AREL1: variants seen among roughly 807,000 people sequenced by gnomAD.
AREL1 encodes apoptosis resistant E3 ubiquitin protein ligase 1.
AREL1 carries 62 observed loss-of-function variants against 99.0 expected under a neutral mutation model. The observed-to-expected ratio is 0.63, with a 90% CI of 0.51 to 0.77. The LOEUF (loss-of-function observed/expected upper bound fraction) is 0.77. Among genes scored for constraint, AREL1 ranks in the 30% least tolerant of loss-of-function variants. The pLI, the probability that AREL1 is intolerant of heterozygous loss-of-function variation, is 0.00. For synonymous variants in AREL1, 380 were observed against 376.5 expected (o/e 1.01, Z -0.11); for missense variants, 879 against 1,027.6 (o/e 0.86, Z 1.98).
chr14:74,671,982 CACAA>C (rs2089357595), intron 11 of AREL1: 1 of 455,046 alleles, frequency 2.2e-6, no homozygotes, highest in South Asian at 1.6e-5. Flanking sequence ...AGCCAAACAT[CACAA>C]ACACTTTCTG....
intron 2 of AREL1, among the ~76,000 whole-genome samples, chr14:74,689,143 C>T (rs1286129562): frequency 6.6e-6 from 1 of 151,994 alleles, no homozygotes; most frequent in East Asian, 1.9e-4. Flanking sequence ...CCACCACGCC[C>T]AGCCAGGCCT....
intron 2 of AREL1, among the ~76,000 whole-genome samples, chr14:74,686,658 C>T (rs2089754664): frequency 1.3e-5 from 2 of 152,112 alleles, no homozygotes; most frequent in South Asian, 4.1e-4. Flanking sequence ...GGGACCAAAA[C>T]AACTTTTTTT....
chr14:74,687,449 T>C (rs1296676886), intron 2 of AREL1, among the ~76,000 whole-genome samples: 3 of 152,204 alleles, frequency 2.0e-5, no homozygotes, highest in Non-Finnish European at 2.9e-5. Context: ...ATAATTTCTA[T>C]GGTATCATCT....
At chr14:74,671,003 A>G (rs2089324656) in intron 12 of AREL1, 132 bp from the exon 13 acceptor site, 5 of 678,338 alleles carry the variant, frequency 7.4e-6, no homozygotes, top group Non-Finnish European at 1.2e-5. Flanking sequence ...GTTGCGACTC[A>G]TCTAAACTGT....
Position 74,673,311 on chromosome 14 carries a change from T to C in AREL1, c.1159-93A>G, listed in dbSNP as rs943702692. 7.7e-6 allele frequency: 10 copies of C among 1,302,576 alleles called. No individual in the cohort carries two copies. In the Admixed American group the frequency reaches 1.9e-4, roughly 25 times the overall value. The allele number at this position is 1,302,576 out of a possible 1,614,324, so 80.7% of individuals were successfully genotyped here. A position where few individuals can be genotyped will look rare whatever the true frequency, so the allele number is the denominator to read the frequency against. ...TATCCTGTGTACCAACCAACAACAA[T>C]AAGTTAGGCTTGTTTTCTCCAAATG... On this transcript the variant is annotated intron_variant, in intron 9 of 19. Transcript: ENST00000356357.
chr14:74,672,116 A>C, intron 11 of AREL1: 1 of 380,036 alleles, frequency 2.6e-6, no homozygotes, highest in Non-Finnish European at 5.4e-6. Flanking sequence ...AACAAAAATC[A>C]TTTCCTTTTA....
intron 15 of AREL1, among the ~76,000 whole-genome samples, chr14:74,668,200 G>T (rs1406003462): frequency 6.6e-6 from 1 of 152,158 alleles, no homozygotes; most frequent in Non-Finnish European, 1.5e-5. Context: ...CAAAGAAAAA[G>T]GTGAACAAAC....
intron 2 of AREL1, among the ~76,000 whole-genome samples, chr14:74,689,128 G>A (rs997554024): frequency 7.9e-5 from 12 of 151,692 alleles, no homozygotes; most frequent in African/African-American, 2.4e-4. Context: ...GATTACAAGC[G>A]TGAGCCACCA....
chr14:74,675,977 T>C, intron 7 of AREL1, 31 bp from the exon 8 acceptor site: 2 of 1,549,568 alleles, frequency 1.3e-6, no homozygotes, highest in Non-Finnish European at 1.7e-6. Flanking sequence ...AGGTTTAAAG[T>C]AGAAGTCAGA....
In AREL1 at chr14:74,702,992, C is replaced by T. The variant is rs1230083881; in HGVS notation, c.-334+9941G>A. Among the ~76,000 whole-genome samples the T allele has an allele frequency of 2.0e-5, 3 of 152,338 alleles. No individual in the cohort carries two copies. The East Asian group carries it at 5.8e-4, about 29-fold the overall frequency. ...CAACAAGTCTCCAGGAAGTTTCAAA[C>T]TTTCCCACATTTTCCTGTCTTCCTC... On this transcript the variant is annotated intron_variant, in intron 1 of 19. Transcript: ENST00000356357.
In AREL1 at chr14:74,679,779, G is replaced by C. The variant is rs566081544; in HGVS notation, c.482-3027C>G. Among the ~76,000 whole-genome samples the C allele has an allele frequency of 5.3e-5, 8 of 152,038 alleles. No individual in the cohort carries two copies. The South Asian group carries it at 1.7e-3, about 32-fold the overall frequency. ...GGAGGCGGAGGTCGCAGTGAGCTGA[G>C]ATTGTGCCATTGCACTCTAGCTTGG... On this transcript the variant is annotated intron_variant, in intron 5 of 19. Coordinates refer to ENST00000356357, the MANE Select transcript of AREL1 (RefSeq NM_001039479.2).
intron 4 of AREL1, 114 bp from the exon 5 acceptor site, chr14:74,683,647 A>T (rs2089684763): frequency 1.2e-6 from 1 of 862,456 alleles, no homozygotes; most frequent in Non-Finnish European, 1.9e-6. Flanking sequence ...AGTAAATCCC[A>T]GTACCTACCC....
chr14:74,688,505 T>C (rs1028598285), intron 2 of AREL1, among the ~76,000 whole-genome samples: 2 of 152,190 alleles, frequency 1.3e-5, no homozygotes, highest in Non-Finnish European at 2.9e-5. Context: ...AGCTAAACCT[T>C]CTCCAATGAG....
chr14:74,694,432 A>T (rs2089941156), intron 1 of AREL1, among the ~76,000 whole-genome samples: 1 of 152,244 alleles, frequency 6.6e-6, no homozygotes, highest in Non-Finnish European at 1.5e-5. Context: ...CTGTTTATGT[A>T]GCACAAGTCC....
chr14:74,680,099 C>CT (rs2089595481), intron 5 of AREL1, among the ~76,000 whole-genome samples: 3 of 151,116 alleles, frequency 2.0e-5, no homozygotes, highest in Admixed American at 2.0e-4. Flanking sequence ...TTGCCAGAAC[C>CT]TGGGAAGAGG....
intron 9 of AREL1, among the ~76,000 whole-genome samples, chr14:74,673,756 ATCT>A (rs1249006224): frequency 1.3e-5 from 2 of 152,222 alleles, no homozygotes; most frequent in Non-Finnish European, 2.9e-5. Context: ...AGTTACAAAC[ATCT>A]TCTCTATTAA....
In AREL1 at chr14:74,712,983, A is replaced by C; in HGVS notation, c.-384T>G. 2.6e-6 allele frequency: 2 copies of C among 759,938 alleles called. No homozygotes were observed. The highest frequency in any genetic ancestry group is 4.6e-6 in the Non-Finnish European group (2 of 432,280). 47.1% of individuals were successfully genotyped at this position (759,938 alleles called of 1,614,324 possible). ...AAGTTCCACCTCCGCTGTCCTGGGA[A>C]GGGGCGGCAGCACTCAGCAGAAGAC... On this transcript the variant is annotated 5_prime_UTR_variant, in exon 1 of 20. Transcript: ENST00000356357.
At chr14:74,706,445 T>A (rs1468533573) in intron 1 of AREL1, among the ~76,000 whole-genome samples, 1 of 152,190 alleles carries the variant, frequency 6.6e-6, no homozygotes, top group Non-Finnish European at 1.5e-5. Flanking sequence ...ATTATTTATA[T>A]AATTGAAAGG....
chr14:74,682,975 T>C (rs1331018061), intron 5 of AREL1, among the ~76,000 whole-genome samples: 3 of 152,192 alleles, frequency 2.0e-5, no homozygotes, highest in Admixed American at 1.3e-4. Flanking sequence ...GGTATTTCTT[T>C]ACAGCAAGAC....
Sources: gnomAD v4.1 joint callset for allele counts (sites outside exome capture counted in the v4.1 genomes callset) on GRCh38, gnomAD v4.1.1 for gene constraint, MANE v1.5 for transcripts, NCBI Gene and HGNC (gene_info 2026-07-23, HGNC 2026-07-21) for gene names.